The following TRDN variants were observed in gnomAD, a reference collection of about 807,000 sequenced individuals.
The protein encoded by TRDN is triadin in skeletal muscle.
A neutral mutation model predicts 149.7 loss-of-function variants in TRDN; 161 were observed. That is an observed-to-expected ratio of 1.08 (90% confidence interval 0.95 to 1.23). TRDN has a LOEUF of 1.23. TRDN is among the 50% of genes most tolerant of loss of function. TRDN has a pLI of 0.00. For missense variants in TRDN, 896 were observed against 823.5 expected, an observed-to-expected ratio of 1.09 and a Z score of -1.08; for synonymous variants, 294 against 250.5, an observed-to-expected ratio of 1.17 and a Z score of -1.64.
chr6:123,392,792 C>T (rs1393210188), intron 13 of TRDN, among the ~76,000 whole-genome samples: 5 of 151,900 alleles, frequency 3.3e-5, no homozygotes, highest in Non-Finnish European at 7.4e-5. Flanking sequence ...AGATTAAATA[C>T]AAGAGAAAAA....
chr6:123,417,099 A>T (rs1405113731), intron 12 of TRDN, among the ~76,000 whole-genome samples: 1 of 152,234 alleles, frequency 6.6e-6, no homozygotes, highest in Non-Finnish European at 1.5e-5. Flanking sequence ...GGAGAATAAG[A>T]GAATCATTAA....
At chr6:123,438,864 T>C in intron 11 of TRDN, 80 bp downstream of exon 11, 3 of 1,154,548 alleles carry the variant, frequency 2.6e-6, no homozygotes, top group Non-Finnish European at 3.6e-6. Flanking sequence ...ATTTCTTTCC[T>C]AGAAAATAAT....
chr6:123,433,162 A>ATAAAAT (rs796874348), intron 12 of TRDN, among the ~76,000 whole-genome samples: 23 of 80,038 alleles, frequency 2.9e-4, no homozygotes, highest in African/African-American at 1.1e-3. Context: ...ATATATATAT[A>ATAAAAT]ATATATATAT....
At chr6:123,238,817 A>T (rs1775882724) in intron 38 of TRDN, among the ~76,000 whole-genome samples, 1 of 152,088 alleles carries the variant, frequency 6.6e-6, no homozygotes, top group South Asian at 2.1e-4. Flanking sequence ...AATATCAGAC[A>T]TACTGCATAA....
chr6:123,405,584 G>T (rs1376149673), intron 12 of TRDN, among the ~76,000 whole-genome samples: 2 of 152,112 alleles, frequency 1.3e-5, no homozygotes, highest in Admixed American at 1.3e-4. Flanking sequence ...AAACACAATT[G>T]GTTTCTGTAT....
Position 123,457,811 on chromosome 6 carries a change from A to C in TRDN, c.931+7095T>G, listed in dbSNP as rs1776219977. Among the ~76,000 whole-genome samples the C allele has an allele frequency of 6.6e-5, 10 of 152,354 alleles. No individual in the cohort carries two copies. In the South Asian group the frequency reaches 2.1e-3, roughly 32 times the overall value. ...TGAAAATATGTTTAAATCTTTATTG[A>C]AATATCTCAAATAGTCAACATCATA... On this transcript the variant is annotated intron_variant, in intron 10 of 40. Transcript: ENST00000334268.
chr6:123,576,766 G>T (rs966489105), intron 1 of TRDN, among the ~76,000 whole-genome samples: 1 of 151,958 alleles, frequency 6.6e-6, no homozygotes, highest in Non-Finnish European at 1.5e-5. Flanking sequence ...GGGAGGTCTG[G>T]GAAACAAGGG....
At position 123,388,570 on chromosome 6, in the gene TRDN, C is replaced by A. The variant is rs754623877; in HGVS notation, c.1106-19G>T. 105 of 1,576,938 alleles carry A rather than the reference C, an allele frequency of 6.7e-5. No individual in the cohort carries two copies. In the Admixed American group the frequency reaches 1.2e-3, roughly 18 times the overall value. On this transcript the variant is annotated intron_variant, in intron 13 of 40. Transcript: ENST00000334268. ...GCTGCTGCTGAAGTAATGAAAATAG[C>A]GTTAAGGCATATGAAATGACCATTC... is the stretch of plus-strand genomic sequence containing the variant.
In TRDN at chr6:123,372,181, A is replaced by C. The variant is rs182090820; in HGVS notation, c.1273+3424T>G. On this transcript the variant is annotated intron_variant, in intron 19 of 40. Coordinates refer to ENST00000334268, the MANE Select transcript of TRDN (RefSeq NM_006073.4). Reference sequence around the variant, plus strand: ...GTATTTAAACTGAGTCAAAAAAAAAACCATGCAATTTTATTAAGAGCAGTT... The same window carrying C: ...GTATTTAAACTGAGTCAAAAAAAAACCCATGCAATTTTATTAAGAGCAGTT... Among the ~76,000 whole-genome samples, 323 of 152,206 alleles carry C rather than the reference A, an allele frequency of 2.1e-3. 3 individuals carry two copies. Among genetic ancestry groups the C allele is most frequent in the African/African-American group, 7.6e-3 (317 of 41,544 alleles).
intron 22 of TRDN, among the ~76,000 whole-genome samples, chr6:123,333,832 A>G (rs1274335879): frequency 6.6e-6 from 1 of 152,072 alleles, no homozygotes; most frequent in Non-Finnish European, 1.5e-5. Context: ...TTTTTAAAAT[A>G]TAGTAGTTTC....
At chr6:123,420,764 A>G (rs1427986076) in intron 12 of TRDN, among the ~76,000 whole-genome samples, 2 of 152,238 alleles carry the variant, frequency 1.3e-5, no homozygotes, top group African/African-American at 4.8e-5. Context: ...TCAGTGTCGA[A>G]AAAAACAGAA....
intron 24 of TRDN, among the ~76,000 whole-genome samples, chr6:123,304,121 G>T (rs763332074): frequency 6.6e-6 from 1 of 151,978 alleles, no homozygotes; most frequent in Non-Finnish European, 1.5e-5. Flanking sequence ...TGGAAGAGAT[G>T]TTGAGTTCAA....
intron 38 of TRDN, among the ~76,000 whole-genome samples, chr6:123,247,375 T>C (rs1015072492): frequency 6.6e-6 from 1 of 152,168 alleles, no homozygotes; most frequent in Non-Finnish European, 1.5e-5. Context: ...AAAAACTCAT[T>C]TAGCTAATAA....
chr6:123,473,440 T>G (rs1016196703), intron 9 of TRDN, among the ~76,000 whole-genome samples: 9 of 151,718 alleles, frequency 5.9e-5, no homozygotes, highest in Non-Finnish European at 1.3e-4. Flanking sequence ...AATATGGGAC[T>G]ATGTGAAAAG....
intron 1 of TRDN, among the ~76,000 whole-genome samples, chr6:123,619,648 G>A (rs149604873): frequency 6.6e-6 from 1 of 152,278 alleles, no homozygotes; most frequent in Non-Finnish European, 1.5e-5. Flanking sequence ...CAAGATCACA[G>A]TATAAGAAGA....
chr6:123,237,367 A>G (rs1775825181), intron 38 of TRDN, among the ~76,000 whole-genome samples: 1 of 151,936 alleles, frequency 6.6e-6, no homozygotes, highest in East Asian at 1.9e-4. Flanking sequence ...TTCCTCTCTC[A>G]GCTTCCCGAG....
intron 38 of TRDN, among the ~76,000 whole-genome samples, chr6:123,240,206 A>T (rs553557325): frequency 1.3e-5 from 2 of 151,936 alleles, no homozygotes; most frequent in African/African-American, 4.8e-5. Context: ...TTTCAAATAT[A>T]TGTTACTTTG....
chr6:123,349,838 G>A, intron 21 of TRDN: 1 of 985,348 alleles, frequency 1.0e-6, no homozygotes, highest in Non-Finnish European at 1.2e-6. Flanking sequence ...ATCTGATAAG[G>A]TGGATGAGGA....
At chr6:123,362,718 G>T (rs544019384) in intron 20 of TRDN, among the ~76,000 whole-genome samples, 1 of 152,064 alleles carries the variant, frequency 6.6e-6, no homozygotes, top group Non-Finnish European at 1.5e-5. Flanking sequence ...TTTCAACCTT[G>T]AAATATGGTA....
Sources: allele counts gnomAD v4.1 joint callset (sites outside exome capture counted in the v4.1 genomes callset), GRCh38; gene constraint gnomAD v4.1.1; transcripts MANE v1.5; gene names NCBI Gene and HGNC (gene_info 2026-07-23, HGNC 2026-07-21).